CNTNAP2: variants seen among roughly 807,000 people sequenced by gnomAD.
CNTNAP2 encodes contactin-associated protein-like 2.
CNTNAP2 carries 98 observed loss-of-function variants against 155.2 expected under a neutral mutation model. That is an observed-to-expected ratio of 0.63 (90% CI 0.54 to 0.75). The LOEUF (loss-of-function observed/expected upper bound fraction) is 0.75. CNTNAP2 is among the 30% of genes least tolerant of loss of function. The pLI is 0.00. For synonymous variants in CNTNAP2, 651 were observed against 631.2 expected (o/e 1.03, Z -0.47); for missense variants, 1,727 against 1,688.1 (o/e 1.02, Z -0.40).
At chr7:148,158,221 G>A (rs555825462) in intron 17 of CNTNAP2, among the ~76,000 whole-genome samples, 15 of 63,084 alleles carry the variant, frequency 2.4e-4, no homozygotes, top group Admixed American at 1.1e-3. Flanking sequence ...CAATGTTTGC[G>A]CTTTTTTTTT....
chr7:148,360,220 A>G (rs981639394), intron 21 of CNTNAP2, among the ~76,000 whole-genome samples: 4 of 152,230 alleles, frequency 2.6e-5, no homozygotes, highest in African/African-American at 9.6e-5. Flanking sequence ...ACCTAGACCA[A>G]GAACATATTC....
chr7:146,167,882 A>G (rs1334873333), intron 1 of CNTNAP2, among the ~76,000 whole-genome samples: 1 of 152,196 alleles, frequency 6.6e-6, no homozygotes, highest in Non-Finnish European at 1.5e-5. Context: ...CCTCAAAAGT[A>G]GGGAAGCCGA....
chr7:146,617,017 T>TTTTTTTTGTTTG (rs113504240), intron 1 of CNTNAP2, among the ~76,000 whole-genome samples: 112 of 151,390 alleles, frequency 7.4e-4, no homozygotes, highest in African/African-American at 2.6e-3. Flanking sequence ...AACCTGGTTT[T>TTTTTTTTGTTTG]TTTGTTTGTT....
chr7:147,086,622 G>A (rs2087507350), intron 4 of CNTNAP2, among the ~76,000 whole-genome samples: 1 of 151,926 alleles, frequency 6.6e-6, no homozygotes, highest in South Asian at 2.1e-4. Flanking sequence ...TTATTTCTGT[G>A]GAGACAGGGT....
chr7:147,915,762 A>G (rs1800148324), intron 14 of CNTNAP2, among the ~76,000 whole-genome samples: 3 of 151,180 alleles, frequency 2.0e-5, no homozygotes, highest in African/African-American at 4.9e-5. Context: ...GGCGGGGGTG[A>G]AGAAGAAGAA....
intron 18 of CNTNAP2, among the ~76,000 whole-genome samples, chr7:148,194,286 C>A (rs187033005): frequency 4.3e-4 from 65 of 152,176 alleles, no homozygotes; most frequent in Non-Finnish European, 5.7e-4. Context: ...CATGACCCAA[C>A]ACTCCTGGCC....
intron 1 of CNTNAP2, among the ~76,000 whole-genome samples, chr7:146,544,939 A>G (rs1202346416): frequency 6.6e-6 from 1 of 151,938 alleles, no homozygotes; most frequent in Non-Finnish European, 1.5e-5. Flanking sequence ...AGAGGAAGTT[A>G]TTTCTAAGTG....
intron 13 of CNTNAP2, among the ~76,000 whole-genome samples, chr7:147,663,248 G>T (rs1162204257): frequency 6.6e-6 from 1 of 152,194 alleles, no homozygotes; most frequent in African/African-American, 2.4e-5. Context: ...CACCCGCCTT[G>T]GCCTCCCAAC....
intron 1 of CNTNAP2, among the ~76,000 whole-genome samples, chr7:146,474,302 A>T (rs1161532734): frequency 6.7e-6 from 1 of 149,132 alleles, no homozygotes; most frequent in East Asian, 1.9e-4. Flanking sequence ...ATAAATATAA[A>T]TATATATTTC....
chr7:147,582,859 T>C (rs1240655591), intron 12 of CNTNAP2, among the ~76,000 whole-genome samples: 1 of 152,154 alleles, frequency 6.6e-6, no homozygotes, highest in Non-Finnish European at 1.5e-5. Context: ...GACTTCCTTA[T>C]GCAAAACAAT....
intron 8 of CNTNAP2, among the ~76,000 whole-genome samples, chr7:147,250,381 C>T (rs1804170248): frequency 6.7e-6 from 1 of 149,018 alleles, no homozygotes; most frequent in Non-Finnish European, 1.5e-5. Context: ...AAGGAATCAG[C>T]TTTTTATAAT....
chr7:147,647,622 A>G (rs979887202), intron 13 of CNTNAP2, among the ~76,000 whole-genome samples: 1 of 152,078 alleles, frequency 6.6e-6, no homozygotes, highest in Admixed American at 6.5e-5. Context: ...CTTTCTTACA[A>G]TAACACAAGG....
chr7:146,809,102 C>T (rs1184991540), intron 2 of CNTNAP2, among the ~76,000 whole-genome samples: 2 of 152,180 alleles, frequency 1.3e-5, no homozygotes, highest in Non-Finnish European at 1.5e-5. Flanking sequence ...ACTGCTGGAT[C>T]ATACAGTAGT....
At chr7:148,075,479 A>G (rs1321633188) in intron 15 of CNTNAP2, among the ~76,000 whole-genome samples, 1 of 152,142 alleles carries the variant, frequency 6.6e-6, no homozygotes, top group Non-Finnish European at 1.5e-5. Context: ...CCTGAAATAC[A>G]TGATTTCCAG....
chr7:146,434,642 T>G (rs1157228710), intron 1 of CNTNAP2, among the ~76,000 whole-genome samples: 1 of 152,168 alleles, frequency 6.6e-6, no homozygotes, highest in African/African-American at 2.4e-5. Context: ...TTGTTTAGAT[T>G]ACAAAAATAG....
At chr7:147,641,968 C>CT (rs1172610587) in intron 13 of CNTNAP2, among the ~76,000 whole-genome samples, 1 of 151,842 alleles carries the variant, frequency 6.6e-6, no homozygotes, top group Non-Finnish European at 1.5e-5. Context: ...CAGCACAACT[C>CT]TTTTTTCTGT....
intron 21 of CNTNAP2, among the ~76,000 whole-genome samples, chr7:148,371,421 G>A (rs1045075613): frequency 4.6e-5 from 7 of 152,098 alleles, no homozygotes; most frequent in Non-Finnish European, 2.9e-5. Context: ...TCAGCCTCTC[G>A]GAGTCCCTTT....
intron 3 of CNTNAP2, among the ~76,000 whole-genome samples, chr7:146,859,223 T>A (rs1269228670): frequency 6.6e-6 from 1 of 152,228 alleles, no homozygotes; most frequent in Admixed American, 6.5e-5. Context: ...GAGTCAACTT[T>A]TATTTTAAAG....
chr7:147,841,017 T>G (rs1271318170), intron 13 of CNTNAP2, among the ~76,000 whole-genome samples: 1 of 152,196 alleles, frequency 6.6e-6, no homozygotes, highest in Non-Finnish European at 1.5e-5. Flanking sequence ...CAAATTCAAT[T>G]AGGCCTTCAG....
Sources: gnomAD v4.1 joint callset for allele counts (sites outside exome capture counted in the v4.1 genomes callset) on GRCh38, gnomAD v4.1.1 for gene constraint, MANE v1.5 for transcripts, NCBI Gene and HGNC (gene_info 2026-07-23, HGNC 2026-07-21) for gene names.